SLC39A12: variants seen among roughly 807,000 people sequenced by gnomAD.
The protein encoded by SLC39A12 is zinc transporter ZIP12.
In SLC39A12, 63 loss-of-function variants were observed where a neutral mutation model predicts 71.1. The ratio of observed to expected loss-of-function variants is 0.89; its 90% CI spans 0.72 to 1.09. SLC39A12 has a LOEUF of 1.09. Among genes scored for constraint, SLC39A12 ranks in the 50% least tolerant of loss-of-function variants. SLC39A12 has a pLI of 0.00. For missense variants in SLC39A12, 892 were observed against 812.6 expected (o/e 1.10, Z -1.19); for synonymous variants, 351 against 301.3 (o/e 1.16, Z -1.71).
intron 12 of SLC39A12, among the ~76,000 whole-genome samples, chr10:18,020,234 C>T (rs1490832928): frequency 6.6e-6 from 1 of 152,018 alleles, no homozygotes; most frequent in African/African-American, 2.4e-5. Flanking sequence ...GTTTTCTGTT[C>T]CTGTTTTAAT....
intron 6 of SLC39A12, among the ~76,000 whole-genome samples, chr10:17,984,279 A>G (rs1176697172): frequency 6.6e-6 from 1 of 152,246 alleles, no homozygotes; most frequent in Non-Finnish European, 1.5e-5. Context: ...TGACTCATAG[A>G]GAATCTAAAA....
intron 4 of SLC39A12, among the ~76,000 whole-genome samples, chr10:17,971,347 C>A (rs1198560414): frequency 1.5e-5 from 2 of 135,602 alleles, no homozygotes; most frequent in African/African-American, 5.5e-5. Flanking sequence ...ATATTGGCCT[C>A]ATGGAATGAG....
chr10:17,957,904 A>G (rs79372177), intron 2 of SLC39A12, among the ~76,000 whole-genome samples: 1,909 of 152,332 alleles, frequency 0.013, 21 homozygotes, highest in Non-Finnish European at 0.02. Context: ...ATTCACAATT[A>G]AGCTTTGATT....
At chr10:18,028,908 C>T (rs1162983500) in intron 12 of SLC39A12, among the ~76,000 whole-genome samples, 1 of 152,042 alleles carries the variant, frequency 6.6e-6, no homozygotes, top group Non-Finnish European at 1.5e-5. Context: ...TTAATAGAGA[C>T]GAGGTTTCAC....
intron 3 of SLC39A12, among the ~76,000 whole-genome samples, chr10:17,962,170 G>T (rs1434478712): frequency 6.6e-6 from 1 of 152,196 alleles, no homozygotes; most frequent in African/African-American, 2.4e-5. Flanking sequence ...AAGGCTTTTT[G>T]ACCAATTTCC....
chr10:17,961,633 A>C lies in SLC39A12; in HGVS notation c.314A>C (p.Gln105Pro). The change falls in exon 3 of 13, where the codon CAG becomes CCG. Residue 105 changes from glutamine to proline, a missense_variant. Physicochemically the swap from Gln to Pro is moderately conservative, Grantham distance 76. Coordinates refer to ENST00000377369, the MANE Select transcript of SLC39A12 (RefSeq NM_001145195.2). ...LLIAGGNFED[Q>P]LREEVVQRVS... ...ATAGCTGGAGGAAATTTTGAAGATCAGCTTAGAGAAGAAGTGGTCCAGAGA... is the reference window on the plus strand; with the variant it reads ...ATAGCTGGAGGAAATTTTGAAGATCCGCTTAGAGAAGAAGTGGTCCAGAGA... 6.2e-7 allele frequency: 1 copy of C among 1,613,966 alleles called. No individual in the cohort carries two copies. Among genetic ancestry groups the C allele is most frequent in the Non-Finnish European group, 8.5e-7 (1 of 1,179,940 alleles).
At chr10:17,974,281 C>T (rs114572807) in intron 4 of SLC39A12, among the ~76,000 whole-genome samples, 2,079 of 152,084 alleles carry the variant, frequency 0.014, 40 homozygotes, top group African/African-American at 0.043. Context: ...TTAATTCATT[C>T]GGCGAGGTCA....
At chr10:17,973,854 G>A (rs1178488589) in intron 4 of SLC39A12, among the ~76,000 whole-genome samples, 2 of 149,518 alleles carry the variant, frequency 1.3e-5, no homozygotes, top group South Asian at 2.1e-4. Flanking sequence ...TCTCCTCTTT[G>A]AGGCCAATAA....
Position 18,036,771 on chromosome 10 carries a change from TATATATATATATATA to T in SLC39A12, c.1948-5933_1948-5919del, listed in dbSNP as rs1208496840. On this transcript the variant is annotated intron_variant, in intron 12 of 12. Transcript: ENST00000377369. ...TTATATATATATATATATATATATA[TATATATATATATATA>T]TATATATATTTTTTTTTTTAATGGA... Among the ~76,000 whole-genome samples, 56 of 47,000 alleles carry T rather than the reference TATATATATATATATA, an allele frequency of 1.2e-3. 2 individuals are homozygous for T. Among genetic ancestry groups the T allele is most frequent in the African/African-American group, 6.2e-3 (50 of 8,036 alleles). 30.8% of individuals were successfully genotyped at this position (47,000 alleles called of 152,430 possible). A position where few individuals can be genotyped will look rare whatever the true frequency, so the allele number is the denominator to read the frequency against.
chr10:18,006,255 C>T (rs962544913), intron 12 of SLC39A12, among the ~76,000 whole-genome samples: 2 of 152,164 alleles, frequency 1.3e-5, no homozygotes, highest in Admixed American at 1.3e-4. Flanking sequence ...GAACTAGAGA[C>T]ATAAATGAGG....
intron 12 of SLC39A12, among the ~76,000 whole-genome samples, chr10:18,038,443 G>A (rs1038740533): frequency 6.6e-6 from 1 of 152,128 alleles, no homozygotes; most frequent in African/African-American, 2.4e-5. Context: ...CTGAGGTCAG[G>A]AGTTCAAGAC....
chr10:18,011,785 A>C (rs185555659), intron 12 of SLC39A12, among the ~76,000 whole-genome samples: 17 of 152,390 alleles, frequency 1.1e-4, no homozygotes, highest in Non-Finnish European at 2.2e-4. Flanking sequence ...TCTTTATCTT[A>C]TAACTCACAG....
intron 12 of SLC39A12, among the ~76,000 whole-genome samples, chr10:18,030,942 C>T (rs1247880288): frequency 6.6e-6 from 1 of 151,686 alleles, no homozygotes; most frequent in Non-Finnish European, 1.5e-5. Context: ...ATGATGATTT[C>T]CAATTTCATC....
intron 2 of SLC39A12, among the ~76,000 whole-genome samples, chr10:17,953,909 A>G (rs997373060): frequency 2.0e-5 from 3 of 152,258 alleles, no homozygotes; most frequent in African/African-American, 7.2e-5. Context: ...TTGCTGGAGC[A>G]TAATGCGATC....
intron 4 of SLC39A12, among the ~76,000 whole-genome samples, chr10:17,970,673 T>TG (rs1834946416): frequency 9.5e-6 from 1 of 105,758 alleles, no homozygotes; most frequent in Non-Finnish European, 1.8e-5. Context: ...GTTCTAATAG[T>TG]TTGTGTGTGT....
intron 12 of SLC39A12, among the ~76,000 whole-genome samples, chr10:18,029,989 A>T (rs1202171405): frequency 6.6e-6 from 1 of 151,328 alleles, no homozygotes; most frequent in African/African-American, 2.4e-5. Context: ...TGTTGGAAAG[A>T]CTTTCTGTAG....
At chr10:18,033,662 C>T (rs1238841395) in intron 12 of SLC39A12, among the ~76,000 whole-genome samples, 3 of 145,378 alleles carry the variant, frequency 2.1e-5, no homozygotes, top group African/African-American at 7.7e-5. Context: ...CAGTTCTGCT[C>T]TGATTTTAGT....
chr10:18,042,463 GAAAAAAAAAAAA>G (rs551298382), intron 12 of SLC39A12, among the ~76,000 whole-genome samples: 1 of 115,058 alleles, frequency 8.7e-6, no homozygotes, highest in East Asian at 2.6e-4. Context: ...TGCCTCAAAA[GAAAAAAAAAAAA>G]AAAAAAAAGA....
At chr10:18,020,394 G>A (rs1836501633) in intron 12 of SLC39A12, among the ~76,000 whole-genome samples, 2 of 151,988 alleles carry the variant, frequency 1.3e-5, no homozygotes, top group African/African-American at 2.4e-5. Flanking sequence ...TTGATTCTAT[G>A]TCTTTGATAC....
Sources: allele counts gnomAD v4.1 joint callset (sites outside exome capture counted in the v4.1 genomes callset), GRCh38; gene constraint gnomAD v4.1.1; transcripts MANE v1.5; gene names NCBI Gene and HGNC (gene_info 2026-07-23, HGNC 2026-07-21).